MTM1: variants seen among roughly 807,000 people sequenced by gnomAD.
MTM1 encodes myotubularin 1.
In MTM1, 9 loss-of-function variants were observed where a neutral mutation model predicts 52.1. The ratio of observed to expected loss-of-function variants is 0.17; its 90% CI spans 0.10 to 0.30. The LOEUF is 0.30. Among genes scored for constraint, MTM1 ranks in the 10% least tolerant of loss-of-function variants. MTM1 has a pLI of 1.00. For synonymous variants in MTM1, 136 were observed against 163.8 expected (o/e 0.83, Z 1.29); for missense variants, 277 against 470.7 (o/e 0.59, Z 3.81).
chrX:150,624,238 A>T (rs1179491036), intron 6 of MTM1, among the ~76,000 whole-genome samples: 1 of 112,403 alleles, frequency 8.9e-6, no homozygotes, highest in Non-Finnish European at 1.9e-5. Flanking sequence ...TTGGCCAAAA[A>T]TAGAAATTTA....
rs143863619 is a variant in MTM1 at position 150,618,670 on chromosome X, A to T, written c.343-368A>T. 3.3e-3 allele frequency among the ~76,000 whole-genome samples: 372 copies of T among 111,884 alleles called. 8 individuals are homozygous for T. The East Asian group carries it at 0.067, about 20-fold the overall frequency. ...CTATGTCTCAAAAACTAAATTAAAT[A>T]AAATAAATTTTAAAAAATTTAAAAA... is the stretch of plus-strand genomic sequence containing the variant. On this transcript the variant is annotated intron_variant, in intron 5 of 14. Transcript: ENST00000370396.
chrX:150,562,790 C>T, the MTM1 span, among the ~76,000 whole-genome samples: 13 of 111,886 alleles, frequency 1.2e-4, no homozygotes, highest in African/African-American at 4.2e-4. Flanking sequence ...TAACATTGAG[C>T]TCTGTGAGAA....
intron 1 of MTM1, among the ~76,000 whole-genome samples, chrX:150,577,938 A>G (rs1603092618): frequency 1.8e-5 from 2 of 111,653 alleles, no homozygotes; most frequent in African/African-American, 6.5e-5. Context: ...GATCTTTCCA[A>G]CCCCTGGTGT....
rs1557414124 is a variant in MTM1, at chrX:150,649,765, T to C, written c.917T>C (p.Leu306Pro). ...GATGATGCATATCATAACGCCGAAC[T>C]TTTCTTCTTAGACATTCATAATATT... is the stretch of plus-strand genomic sequence containing the variant. ...ESDDAYHNAE[L>P]FFLDIHNIHV... Residue 306 changes from leucine to proline, a missense_variant, in exon 10 of 15, where the codon CTT becomes CCT. Physicochemically the swap from Leu to Pro is moderately conservative, Grantham distance 98. Around this residue, in one of 4 missense-constraint regions of MTM1, gnomAD observed 164 missense variants for 283.3 expected, o/e 0.58. Coordinates refer to ENST00000370396, the MANE Select transcript of MTM1 (RefSeq NM_000252.3). 1.7e-6 allele frequency: 2 copies of C among 1,208,971 alleles called. No individual in the cohort carries two copies. The highest frequency in any genetic ancestry group is 2.2e-6 in the Non-Finnish European group (2 of 894,384).
At chrX:150,634,713 A>G (rs1378184381) in intron 6 of MTM1, among the ~76,000 whole-genome samples, 1 of 111,883 alleles carries the variant, frequency 8.9e-6, no homozygotes, top group Non-Finnish European at 1.9e-5. Flanking sequence ...ATTAAGGAAG[A>G]CATGACTTGC....
chrX:150,569,184 C>A (rs781968628), intron 1 of MTM1, among the ~76,000 whole-genome samples: 1 of 113,609 alleles, frequency 8.8e-6, no homozygotes, highest in East Asian at 2.8e-4. Flanking sequence ...GCCAGTGTTT[C>A]TGTGTCATAC....
chrX:150,591,863 C>T (rs1453978125), intron 1 of MTM1, among the ~76,000 whole-genome samples: 1 of 112,666 alleles, frequency 8.9e-6, no homozygotes, highest in African/African-American at 3.2e-5. Context: ...CTCCCGCTGA[C>T]TTTATATGTA....
At chrX:150,601,443 G>T (rs782020800) in intron 4 of MTM1, among the ~76,000 whole-genome samples, 2 of 112,428 alleles carry the variant, frequency 1.8e-5, no homozygotes, top group African/African-American at 6.4e-5. Context: ...AAAAAATTTT[G>T]TTGCATGTTT....
At chrX:150,656,187 T>C (rs2040110681) in intron 10 of MTM1, among the ~76,000 whole-genome samples, 1 of 111,621 alleles carries the variant, frequency 9.0e-6, no homozygotes, top group Non-Finnish European at 1.9e-5. Flanking sequence ...AATTTATATG[T>C]TGAAGTCCTG....
chrX:150,670,767 G>A lies in MTM1; in HGVS notation c.1645-661G>A, dbSNP rs184568814. Reference sequence around the variant, plus strand: ...AGGAAAATTCCTTAGAGAAACACTCGCATATGTGCTTGAGGAGATGTGTAC... The same window carrying A: ...AGGAAAATTCCTTAGAGAAACACTCACATATGTGCTTGAGGAGATGTGTAC... On this transcript the variant is annotated intron_variant, in intron 14 of 14. Coordinates refer to ENST00000370396, the MANE Select transcript of MTM1 (RefSeq NM_000252.3). Among the ~76,000 whole-genome samples the A allele has an allele frequency of 1.5e-3, 164 of 110,841 alleles. 1 individual carries two copies. The highest frequency in any genetic ancestry group is 4.8e-3 in the African/African-American group (145 of 30,466).
chrX:150,620,566 G>T (rs782719744), intron 6 of MTM1, among the ~76,000 whole-genome samples: 1 of 111,700 alleles, frequency 9.0e-6, no homozygotes, highest in African/African-American at 3.2e-5. Flanking sequence ...TCGTCTTCTT[G>T]AAAGTCTTGG....
intron 1 of MTM1, among the ~76,000 whole-genome samples, chrX:150,580,305 A>G (rs1557411823): frequency 8.9e-6 from 1 of 112,080 alleles, no homozygotes; most frequent in African/African-American, 3.2e-5. Flanking sequence ...ACCCATTCTT[A>G]ACCACCACTA....
rs1452191733 is a variant in MTM1 at position 150,583,748 on chromosome X, TAATA to T, written c.-10-8856_-10-8853del. 4.3e-5 allele frequency among the ~76,000 whole-genome samples: 2 copies of T among 46,450 alleles called. 1 individual carries two copies. Among genetic ancestry groups the T allele is most frequent in the Non-Finnish European group, 7.0e-5 (2 of 28,386 alleles). The allele number at this position is 46,450 out of a possible 115,157, so 40.3% of individuals were successfully genotyped here. On this transcript the variant is annotated intron_variant, in intron 1 of 14. Coordinates refer to ENST00000370396, the MANE Select transcript of MTM1 (RefSeq NM_000252.3). ...TATAAATTATATATTATATATAAAT[TAATA>T]TATATTAAATTAATATATATTTAAT...
intron 3 of MTM1, among the ~76,000 whole-genome samples, chrX:150,597,199 C>T (rs922848126): frequency 8.9e-6 from 1 of 112,246 alleles, no homozygotes; most frequent in East Asian, 2.8e-4. Context: ...TCCTTTCAGA[C>T]TTCAATGTAT....
intron 7 of MTM1, 123 bp from the exon 8 acceptor site, chrX:150,641,146 C>G: frequency 2.9e-6 from 2 of 699,225 alleles, no homozygotes; most frequent in Admixed American, 5.5e-5. Flanking sequence ...ATAGGTAGAC[C>G]GTCATCACCC....
chrX:150,583,153 T>G (rs1222870560), intron 1 of MTM1, among the ~76,000 whole-genome samples: 1 of 78,429 alleles, frequency 1.3e-5, no homozygotes, highest in East Asian at 3.9e-4. Flanking sequence ...TAAATATATA[T>G]AAATTATATA....
intron 8 of MTM1, among the ~76,000 whole-genome samples, chrX:150,643,912 C>T (rs1229874912): frequency 9.0e-6 from 1 of 110,862 alleles, no homozygotes; most frequent in Non-Finnish European, 1.9e-5. Context: ...ATTATTTGTA[C>T]CTGTTTAGCT....
intron 6 of MTM1, among the ~76,000 whole-genome samples, chrX:150,621,933 A>C (rs1557413301): frequency 8.9e-6 from 1 of 111,936 alleles, no homozygotes. Context: ...TGACATCTGC[A>C]TGGGAGTTTT....
chrX:150,659,019 A>G (rs1205972908), intron 11 of MTM1, among the ~76,000 whole-genome samples: 3 of 111,240 alleles, frequency 2.7e-5, no homozygotes, highest in African/African-American at 9.8e-5. Flanking sequence ...ATGCCCAGCT[A>G]ATTTTTTGTA....
Sources: gnomAD v4.1 joint callset for allele counts (sites outside exome capture counted in the v4.1 genomes callset) on GRCh38, gnomAD v4.1.1 for gene constraint, gnomAD v4.1.1 regional missense constraint, MANE v1.5 for transcripts, NCBI Gene and HGNC (gene_info 2026-07-23, HGNC 2026-07-21) for gene names.